ZNF664: variants seen among roughly 807,000 people sequenced by gnomAD.
The protein encoded by ZNF664 is zinc finger protein 664, also known as zinc finger Organ of Corti 1.
In ZNF664, 10 loss-of-function variants were observed where a neutral mutation model predicts 18.2. The observed-to-expected ratio is 0.55, with a 90% CI of 0.34 to 0.93. The LOEUF (loss-of-function observed/expected upper bound fraction) is 0.93, where lower values mean the gene tolerates loss of function less well. Ranked by LOEUF, ZNF664 falls within the 40% of genes least tolerant of loss-of-function variation. The pLI, the probability that ZNF664 is intolerant of heterozygous loss-of-function variation, is 0.02. For synonymous variants in ZNF664, 119 were observed against 104.2 expected (o/e 1.14, Z -0.86); for missense variants, 193 against 319.0 (o/e 0.61, Z 3.01).
At chr12:124,007,041 T>C (rs915596172) in intron 3 of ZNF664, among the ~76,000 whole-genome samples, 17 of 152,310 alleles carry the variant, frequency 1.1e-4, no homozygotes, top group Admixed American at 9.8e-4. Context: ...GTGGGGGCTG[T>C]GTTAGGCGAG....
In ZNF664 at chr12:124,015,285, G is replaced by A. The variant is rs1957178182; in HGVS notation, c.*2355G>A. The A allele has an allele frequency of 6.0e-6, 1 of 167,016 alleles. No individual in the cohort carries two copies. The highest frequency in any genetic ancestry group is 2.4e-5 in the African/African-American group (1 of 41,434). 10.3% of individuals were successfully genotyped at this position (167,016 alleles called of 1,614,324 possible). Reference sequence around the variant, plus strand: ...CTACATAGTTGAATTATTTTATCATGCTGTTGCTGGGGAATATGACTAACC... The same window carrying A: ...CTACATAGTTGAATTATTTTATCATACTGTTGCTGGGGAATATGACTAACC... On this transcript the variant is annotated 3_prime_UTR_variant, in exon 5 of 5. Coordinates refer to ENST00000337815, the MANE Select transcript of ZNF664 (RefSeq NM_152437.3).
At chr12:124,003,445 T>G (rs1957036694) in intron 3 of ZNF664, 1 of 151,650 alleles carries the variant, frequency 6.6e-6, no homozygotes, top group Admixed American at 6.6e-5. Context: ...TCGCCCAGGC[T>G]GGAGTGCAGT....
At position 123,983,774 on chromosome 12, in the gene ZNF664, C is replaced by T. The variant is rs1408405765; in HGVS notation, c.-756-4269C>T. Among the ~76,000 whole-genome samples, 4 of 152,270 alleles carry T rather than the reference C, an allele frequency of 2.6e-5. No individual in the cohort carries two copies. The East Asian group carries it at 5.8e-4, about 22-fold the overall frequency. ...GAATATTTCATTGATTCAAAGTACT[C>T]GGTGTTGGCTAGAAAACATGTCAAG... On this transcript the variant is annotated intron_variant, in intron 2 of 4. Coordinates refer to ENST00000337815, the MANE Select transcript of ZNF664 (RefSeq NM_152437.3).
intron 3 of ZNF664, among the ~76,000 whole-genome samples, chr12:123,997,406 G>A (rs1012061041): frequency 6.6e-6 from 1 of 152,196 alleles, no homozygotes; most frequent in Non-Finnish European, 1.5e-5. Context: ...CTGGAGGCTG[G>A]AATTCTGGAT....
rs191403562 is a variant in ZNF664 at position 123,984,138 on chromosome 12, G to A, written c.-756-3905G>A. Among the ~76,000 whole-genome samples, 9 of 152,350 alleles carry A rather than the reference G, an allele frequency of 5.9e-5. No individual in the cohort carries two copies. The East Asian group carries it at 1.7e-3, about 29-fold the overall frequency. On this transcript the variant is annotated intron_variant, in intron 2 of 4. Transcript: ENST00000337815. ...CCAGTGGGCGAGATGGTTGAAACTG[G>A]TGTGGATGTTAGGAGCAGAGGAGAG...
At chr12:123,988,550 T>G (rs1033882121) in intron 3 of ZNF664, among the ~76,000 whole-genome samples, 1 of 152,160 alleles carries the variant, frequency 6.6e-6, no homozygotes, top group Non-Finnish European at 1.5e-5. Context: ...ATCAAAACTT[T>G]TTAAAAGCTC....
At chr12:123,974,185 C>T (rs1159652844) in intron 2 of ZNF664, 165 bp downstream of exon 2, 6 of 435,290 alleles carry the variant, frequency 1.4e-5, no homozygotes, top group Non-Finnish European at 1.9e-5. Context: ...CTCTCCGCCA[C>T]ATCACCTCTC....
At chr12:124,002,696 G>A (rs756866202) in intron 3 of ZNF664, among the ~76,000 whole-genome samples, 7 of 152,168 alleles carry the variant, frequency 4.6e-5, no homozygotes, top group Non-Finnish European at 1.0e-4. Flanking sequence ...GGATGTTGGT[G>A]TGCTTGACAG....
At position 123,973,250 on chromosome 12, in the gene ZNF664, G is replaced by A. The variant is rs910527506; in HGVS notation, c.-994G>A. 3.7e-5 allele frequency: 37 copies of A among 989,576 alleles called. 5 individuals carry two copies. Among genetic ancestry groups the A allele is most frequent in the Non-Finnish European group, 4.4e-5 (37 of 834,468 alleles). 61.3% of individuals were successfully genotyped at this position (989,576 alleles called of 1,614,324 possible). On this transcript the variant is annotated 5_prime_UTR_variant, in exon 1 of 5. Transcript: ENST00000337815. ...CCGGAGGCGTCTGGGTGTGCGGAGC[G>A]CGCGCGCGCGCGGCTCGGAGGCGCA...
At chr12:124,001,738 T>C (rs920927800) in intron 3 of ZNF664, among the ~76,000 whole-genome samples, 1 of 152,220 alleles carries the variant, frequency 6.6e-6, no homozygotes, top group Non-Finnish European at 1.5e-5. Flanking sequence ...GACACCTTGA[T>C]GAACATTGTC....
chr12:124,003,398 CT>C (rs369995896), intron 3 of ZNF664: 35,344 of 138,422 alleles, frequency 0.26, 4,902 homozygotes, highest in African/African-American at 0.44. Flanking sequence ...CTAATTGCAT[CT>C]TTTTTTTTTT....
intron 3 of ZNF664, among the ~76,000 whole-genome samples, chr12:123,995,072 A>G (rs2138389578): frequency 6.6e-6 from 1 of 152,302 alleles, no homozygotes; most frequent in South Asian, 2.1e-4. Flanking sequence ...TGGGATTACA[A>G]GCCCATTTTA....
intron 3 of ZNF664, chr12:123,998,256 T>C (rs1223576899): frequency 1.3e-5 from 2 of 152,214 alleles, no homozygotes; most frequent in East Asian, 1.9e-4. Context: ...TCCAACACTT[T>C]AAATGCCTTC....
At chr12:123,981,943 T>C (rs1053043783) in intron 2 of ZNF664, among the ~76,000 whole-genome samples, 1 of 152,222 alleles carries the variant, frequency 6.6e-6, no homozygotes, top group African/African-American at 2.4e-5. Context: ...CACATAGAAT[T>C]ATTTGAGACT....
intron 2 of ZNF664, among the ~76,000 whole-genome samples, chr12:123,974,981 C>G (rs951992461): frequency 2.0e-5 from 3 of 152,166 alleles, no homozygotes; most frequent in Non-Finnish European, 4.4e-5. Context: ...ATGAAGTTCT[C>G]TTTTGGTTAA....
intron 2 of ZNF664, among the ~76,000 whole-genome samples, chr12:123,976,642 G>A (rs1263202236): frequency 2.0e-5 from 3 of 152,102 alleles, no homozygotes; most frequent in African/African-American, 7.3e-5. Flanking sequence ...TGCAAGATGT[G>A]GGGGCGTGTT....
chr12:123,985,761 C>T (rs1258098882), intron 2 of ZNF664, among the ~76,000 whole-genome samples: 4 of 152,124 alleles, frequency 2.6e-5, no homozygotes, highest in East Asian at 3.8e-4. Flanking sequence ...CAAACACGTC[C>T]GCTGCTGTGG....
rs1457006878 is a variant in ZNF664, at chr12:124,014,179, T to TG, written c.*1253dup. 1 of 25,892 alleles carries TG rather than the reference T, an allele frequency of 3.9e-5. No individual in the cohort carries two copies. Among genetic ancestry groups the TG allele is most frequent in the Admixed American group, 1.1e-3 (1 of 872 alleles). 1.6% of individuals were successfully genotyped at this position (25,892 alleles called of 1,614,324 possible). A position where few individuals can be genotyped will look rare whatever the true frequency, so the allele number is the denominator to read the frequency against. On this transcript the variant is annotated 3_prime_UTR_variant, in exon 5 of 5. Coordinates refer to ENST00000337815, the MANE Select transcript of ZNF664 (RefSeq NM_152437.3). ...TAGGGTGATGATTTTAGTGGTGGGGTGGGGTGGGGGTGGGGTGACATTAGC... is the reference window on the plus strand; with the variant it reads ...TAGGGTGATGATTTTAGTGGTGGGGTGGGGGTGGGGGTGGGGTGACATTAGC...
At chr12:123,993,636 C>T (rs1324627880) in intron 3 of ZNF664, among the ~76,000 whole-genome samples, 2 of 152,148 alleles carry the variant, frequency 1.3e-5, no homozygotes, top group African/African-American at 4.8e-5. Flanking sequence ...TGGCCTTGAA[C>T]AGAACAAATG....
Sources: gnomAD v4.1 joint callset for allele counts (sites outside exome capture counted in the v4.1 genomes callset) on GRCh38, gnomAD v4.1.1 for gene constraint, MANE v1.5 for transcripts, NCBI Gene and HGNC (gene_info 2026-07-23, HGNC 2026-07-21) for gene names.